The following GALM variants were observed in gnomAD, a reference collection of about 807,000 sequenced individuals.
GALM encodes galactose mutarotase.
Under a neutral mutation model 37.4 loss-of-function variants are expected in GALM, and 43 were observed. The ratio of observed to expected loss-of-function variants is 1.15; its 90% CI spans 0.90 to 1.48. GALM has a LOEUF of 1.48. Ranked by LOEUF, GALM falls within the 40% of genes most tolerant of loss-of-function variation. The probability of loss-of-function intolerance (pLI) is 0.00; values close to 1 mark genes in which losing one functional copy is unlikely to be tolerated. For synonymous variants in GALM, 199 were observed against 170.6 expected, an observed-to-expected ratio of 1.17 and a Z score of -1.30; for missense variants, 456 against 419.1, an observed-to-expected ratio of 1.09 and a Z score of -0.77.
intron 4 of GALM, among the ~76,000 whole-genome samples, chr2:38,722,929 G>A (rs926704675): frequency 2.0e-5 from 3 of 152,134 alleles, no homozygotes; most frequent in African/African-American, 7.2e-5. Flanking sequence ...GTTGCCGGGG[G>A]CTCAAACTCA....
At chr2:38,721,662 C>T (rs946336309) in intron 4 of GALM, among the ~76,000 whole-genome samples, 1 of 152,082 alleles carries the variant, frequency 6.6e-6, no homozygotes. Context: ...CACAGGTGTG[C>T]ACCATACCAC....
chr2:38,728,249 C>T (rs1666525671), intron 4 of GALM, among the ~76,000 whole-genome samples: 4 of 150,772 alleles, frequency 2.7e-5, no homozygotes, highest in Admixed American at 2.6e-4. Flanking sequence ...CAAAAATTAG[C>T]TGGGCGTGGT....
intron 3 of GALM, among the ~76,000 whole-genome samples, chr2:38,687,151 C>T (rs185820917): frequency 6.6e-6 from 1 of 152,224 alleles, no homozygotes; most frequent in Non-Finnish European, 1.5e-5. Flanking sequence ...TCCTCTCCCA[C>T]AGTCCCAGGG....
chr2:38,673,987 T>C (rs1306266610), intron 1 of GALM, among the ~76,000 whole-genome samples: 1 of 152,182 alleles, frequency 6.6e-6, no homozygotes, highest in Non-Finnish European at 1.5e-5. Flanking sequence ...TTTGTGTATT[T>C]ATATATTTGC....
chr2:38,706,285 G>T (rs1451957759), intron 4 of GALM, among the ~76,000 whole-genome samples: 1 of 151,768 alleles, frequency 6.6e-6, no homozygotes, highest in Non-Finnish European at 1.5e-5. Flanking sequence ...TTACAGGCGT[G>T]AGCCACCACA....
At chr2:38,667,794 G>A (rs935871826) in intron 1 of GALM, among the ~76,000 whole-genome samples, 2 of 152,064 alleles carry the variant, frequency 1.3e-5, no homozygotes, top group Non-Finnish European at 2.9e-5. Flanking sequence ...CCGAGATTGC[G>A]CCACTGCACT....
intron 4 of GALM, among the ~76,000 whole-genome samples, chr2:38,697,515 A>G (rs2148440661): frequency 6.6e-6 from 1 of 152,302 alleles, no homozygotes; most frequent in African/African-American, 2.4e-5. Flanking sequence ...GGAAATACTG[A>G]TGCATATCTA....
intron 4 of GALM, among the ~76,000 whole-genome samples, chr2:38,698,041 T>C (rs1021279859): frequency 6.6e-6 from 1 of 151,972 alleles, no homozygotes. Flanking sequence ...CCTTCCGGGT[T>C]CAAATGATCC....
chr2:38,727,953 C>T (rs1252834164), intron 4 of GALM, among the ~76,000 whole-genome samples: 4 of 152,154 alleles, frequency 2.6e-5, no homozygotes, highest in Non-Finnish European at 5.9e-5. Context: ...TGCTACTTCT[C>T]TCCCCTGATT....
chr2:38,724,593 G>C (rs1014888459), intron 4 of GALM, among the ~76,000 whole-genome samples: 1 of 152,098 alleles, frequency 6.6e-6, no homozygotes, highest in African/African-American at 2.4e-5. Context: ...CAGTGCATGA[G>C]GATGGACAAG....
intron 3 of GALM, among the ~76,000 whole-genome samples, chr2:38,685,915 G>A (rs1665507183): frequency 6.6e-6 from 1 of 151,928 alleles, no homozygotes; most frequent in Middle Eastern, 3.2e-3. Flanking sequence ...GTTTCACCAT[G>A]TTGGCCAGGC....
At position 38,723,537 on chromosome 2, in the gene GALM, G is replaced by A. The variant is rs145544024; in HGVS notation, c.635-6019G>A. 1.8e-4 allele frequency among the ~76,000 whole-genome samples: 28 copies of A among 152,232 alleles called. No individual in the cohort carries two copies. The East Asian group carries it at 5.2e-3, about 28-fold the overall frequency. ...GGTGCAGCAACTCACGCCTGTAATC[G>A]TAGCACTTTGGGAAGCTGAGGCAGG... is the stretch of plus-strand genomic sequence containing the variant. On this transcript the variant is annotated intron_variant, in intron 4 of 6. Transcript: ENST00000272252.
chr2:38,679,935 C>A, intron 2 of GALM: 1 of 406,508 alleles, frequency 2.5e-6, no homozygotes, highest in Non-Finnish European at 4.8e-6. Flanking sequence ...AATCTTGGAG[C>A]CTCTAGGACA....
intron 1 of GALM, among the ~76,000 whole-genome samples, chr2:38,666,714 G>A (rs183993009): frequency 6.6e-6 from 1 of 152,312 alleles, no homozygotes; most frequent in East Asian, 1.9e-4. Flanking sequence ...CAGGCAAGAG[G>A]GGGTGTGGCT....
chr2:38,729,010 A>G (rs940268340), intron 4 of GALM, among the ~76,000 whole-genome samples: 5 of 152,312 alleles, frequency 3.3e-5, no homozygotes, highest in African/African-American at 1.2e-4. Flanking sequence ...ATTTATGAGT[A>G]TATATTTTCC....
At chr2:38,677,197 G>A (rs1057021504) in intron 2 of GALM, among the ~76,000 whole-genome samples, 1 of 152,184 alleles carries the variant, frequency 6.6e-6, no homozygotes, top group Non-Finnish European at 1.5e-5. Flanking sequence ...CTAATTTCAG[G>A]CTGTGCAGGA....
intron 4 of GALM, among the ~76,000 whole-genome samples, chr2:38,721,812 G>A (rs1666381492): frequency 6.6e-6 from 1 of 151,924 alleles, no homozygotes. Flanking sequence ...CACCGCGCCT[G>A]GTCCACTCAG....
At chr2:38,721,171 G>A (rs1666369113) in intron 4 of GALM, among the ~76,000 whole-genome samples, 1 of 152,232 alleles carries the variant, frequency 6.6e-6, no homozygotes, top group South Asian at 2.1e-4. Flanking sequence ...CAAGAGATAT[G>A]AATCAAGGCA....
At chr2:38,679,111 C>G (rs1236105302) in intron 2 of GALM, among the ~76,000 whole-genome samples, 2 of 152,262 alleles carry the variant, frequency 1.3e-5, no homozygotes, top group East Asian at 1.9e-4. Flanking sequence ...CTCAACCTCC[C>G]GAGTAGCTGG....
Sources: allele counts gnomAD v4.1 joint callset (sites outside exome capture counted in the v4.1 genomes callset), GRCh38; gene constraint gnomAD v4.1.1; transcripts MANE v1.5; gene names NCBI Gene and HGNC (gene_info 2026-07-23, HGNC 2026-07-21).